The following DOK6 variants were observed in gnomAD, a reference collection of about 807,000 sequenced individuals.
DOK6 encodes docking protein 6.
In DOK6, 22 loss-of-function variants were observed where a neutral mutation model predicts 44.0. The observed-to-expected ratio is 0.50, with a 90% CI of 0.36 to 0.71. The LOEUF (loss-of-function observed/expected upper bound fraction) is 0.71. Among genes scored for constraint, DOK6 ranks in the 30% least tolerant of loss-of-function variants. The pLI is 0.00. For synonymous variants in DOK6, 166 were observed against 145.5 expected, an observed-to-expected ratio of 1.14 and a Z score of -1.01; for missense variants, 340 against 416.4, an observed-to-expected ratio of 0.82 and a Z score of 1.60.
At chr18:69,426,723 TATG>T (rs1978646258) in intron 1 of DOK6, among the ~76,000 whole-genome samples, 1 of 152,216 alleles carries the variant, frequency 6.6e-6, no homozygotes, top group African/African-American at 2.4e-5. Flanking sequence ...CTTTGTAGAA[TATG>T]ATATGTGTCA....
At chr18:69,558,113 GGA>G (rs940550394) in intron 1 of DOK6, among the ~76,000 whole-genome samples, 1 of 151,964 alleles carries the variant, frequency 6.6e-6, no homozygotes, top group Non-Finnish European at 1.5e-5. Flanking sequence ...TTTTCTCCAA[GGA>G]GTGATTTCCT....
intron 7 of DOK6, among the ~76,000 whole-genome samples, chr18:69,804,039 A>G (rs2145108930): frequency 6.6e-6 from 1 of 152,318 alleles, no homozygotes; most frequent in Non-Finnish European, 1.5e-5. Context: ...AAACAGAGGT[A>G]ATTCAAACTA....
chr18:69,401,461 TG>T, intron 1 of DOK6, 151 bp downstream of exon 1: 1 of 796,122 alleles, frequency 1.3e-6, no homozygotes, highest in Non-Finnish European at 1.7e-6. Flanking sequence ...CTTGGCCAGG[TG>T]GGGGCCCACA....
intron 3 of DOK6, among the ~76,000 whole-genome samples, chr18:69,645,513 C>T (rs959687920): frequency 3.3e-5 from 5 of 152,026 alleles, no homozygotes; most frequent in Non-Finnish European, 7.4e-5. Flanking sequence ...GGAGTAAGCT[C>T]ATCTATTAAA....
chr18:69,624,536 C>A (rs1984513250), intron 3 of DOK6, among the ~76,000 whole-genome samples: 1 of 152,012 alleles, frequency 6.6e-6, no homozygotes, highest in African/African-American at 2.4e-5. Flanking sequence ...AATATAAAAT[C>A]TGTCACTTTA....
chr18:69,630,332 A>G (rs1984661377), intron 3 of DOK6, among the ~76,000 whole-genome samples: 1 of 152,126 alleles, frequency 6.6e-6, no homozygotes, highest in South Asian at 2.1e-4. Context: ...TCCTTTTATT[A>G]TACTATGCTT....
chr18:69,797,268 C>T (rs1980773235), intron 7 of DOK6, among the ~76,000 whole-genome samples: 1 of 152,082 alleles, frequency 6.6e-6, no homozygotes. Context: ...AGAGTTACAT[C>T]TTTTTTATGG....
intron 1 of DOK6, among the ~76,000 whole-genome samples, chr18:69,532,420 A>G (rs927056623): frequency 6.6e-6 from 1 of 152,252 alleles, no homozygotes; most frequent in Non-Finnish European, 1.5e-5. Context: ...TTTATAAAAA[A>G]GTGAAAGTAG....
rs567202659 is a variant in DOK6, at chr18:69,708,468, T to G, written c.599+9875T>G. ...TATACTCTGCTATGTCCACCTTCAG[T>G]GCTGATATGAGGATCAAATGAAATA... On this transcript the variant is annotated intron_variant, in intron 5 of 7. Coordinates refer to ENST00000382713, the MANE Select transcript of DOK6 (RefSeq NM_152721.6). 3.8e-4 allele frequency among the ~76,000 whole-genome samples: 58 copies of G among 152,222 alleles called. 1 individual carries two copies. The highest frequency in any genetic ancestry group is 1.4e-3 in the African/African-American group (57 of 41,530).
At chr18:69,586,759 G>A (rs898608224) in intron 2 of DOK6, among the ~76,000 whole-genome samples, 1 of 152,066 alleles carries the variant, frequency 6.6e-6, no homozygotes, top group Non-Finnish European at 1.5e-5. Flanking sequence ...CGTTTTCCCT[G>A]CATTTCCTCC....
At chr18:69,681,224 GGTGATCTTGTA>G (rs543329750) in intron 4 of DOK6, among the ~76,000 whole-genome samples, 79 of 152,228 alleles carry the variant, frequency 5.2e-4, no homozygotes, top group African/African-American at 1.9e-3. Flanking sequence ...CATGGTTTGT[GGTGATCTTGTA>G]GTATTCTATC....
intron 3 of DOK6, among the ~76,000 whole-genome samples, chr18:69,650,357 C>T (rs904857649): frequency 2.6e-5 from 4 of 152,130 alleles, no homozygotes; most frequent in African/African-American, 4.8e-5. Context: ...TGCTTTGAGT[C>T]GGGCATAAGG....
chr18:69,584,783 T>C (rs980147869), intron 2 of DOK6, among the ~76,000 whole-genome samples: 1 of 147,710 alleles, frequency 6.8e-6, no homozygotes, highest in Non-Finnish European at 1.5e-5. Flanking sequence ...TTTTCTGTTT[T>C]TTTTTCTGCT....
intron 7 of DOK6, among the ~76,000 whole-genome samples, chr18:69,807,011 G>A (rs977917822): frequency 6.6e-6 from 1 of 151,856 alleles, no homozygotes; most frequent in Admixed American, 6.6e-5. Flanking sequence ...TTTATTGTCA[G>A]TTTATTGATA....
chr18:69,507,582 T>G (rs1981231300), intron 1 of DOK6, among the ~76,000 whole-genome samples: 1 of 152,180 alleles, frequency 6.6e-6, no homozygotes, highest in Admixed American at 6.5e-5. Context: ...ATTTTATAGA[T>G]TTCAGCATAC....
intron 4 of DOK6, among the ~76,000 whole-genome samples, chr18:69,680,571 C>T (rs1303496713): frequency 4.6e-5 from 7 of 152,182 alleles, no homozygotes; most frequent in African/African-American, 1.7e-4. Context: ...AGACTCTATT[C>T]TTGCTAGCTC....
intron 2 of DOK6, among the ~76,000 whole-genome samples, chr18:69,594,162 A>C (rs999636119): frequency 2.0e-5 from 3 of 150,392 alleles, no homozygotes; most frequent in African/African-American, 7.3e-5. Context: ...ATTCTCAGGA[A>C]CTGTAAGACA....
chr18:69,401,376 G>C lies in DOK6; in HGVS notation c.66+66G>C, dbSNP rs570490351. On this transcript the variant is annotated intron_variant, in intron 1 of 7. Transcript: ENST00000382713. The stretch of plus-strand genomic sequence containing the variant: ...TCGGCCCGGCTGGCTGCCTGGGGGG[G>C]GGGCAGGGAGAGGTGACCCGTGCGG... 64 of 1,420,302 alleles carry C rather than the reference G, an allele frequency of 4.5e-5. No individual in the cohort carries two copies. In the South Asian group the frequency reaches 4.9e-4, roughly 11 times the overall value. The allele number at this position is 1,420,302 out of a possible 1,614,324, so 88.0% of individuals were successfully genotyped here.
intron 6 of DOK6, among the ~76,000 whole-genome samples, chr18:69,744,652 G>A (rs1194246104): frequency 6.6e-6 from 1 of 151,878 alleles, no homozygotes; most frequent in Admixed American, 6.6e-5. Context: ...TGGCTGGGCG[G>A]GGTGGCTCAC....
Sources: allele counts gnomAD v4.1 joint callset (sites outside exome capture counted in the v4.1 genomes callset), GRCh38; gene constraint gnomAD v4.1.1; transcripts MANE v1.5; gene names NCBI Gene and HGNC (gene_info 2026-07-23, HGNC 2026-07-21).